Variants in FAAH2 observed in about 807,000 individuals in gnomAD.
FAAH2 encodes the protein fatty acid amide hydrolase 2, also known as fatty-acid amide hydrolase 2.
A neutral mutation model predicts 36.9 loss-of-function variants in FAAH2; 60 were observed. The ratio of observed to expected loss-of-function variants is 1.63; its 90% CI spans 1.32 to 2.02. FAAH2 has a LOEUF of 2.02. Among genes scored for constraint, FAAH2 ranks in the 30% most tolerant of loss-of-function variants. FAAH2 has a pLI of 0.00. For synonymous variants in FAAH2, 214 were observed against 143.8 expected, an observed-to-expected ratio of 1.49 and a Z score of -3.49; for missense variants, 689 against 397.5, an observed-to-expected ratio of 1.73 and a Z score of -6.23.
At chrX:57,276,189 C>A in the FAAH2 span, among the ~76,000 whole-genome samples, 1 of 112,043 alleles carries the variant, frequency 8.9e-6, no homozygotes, top group East Asian at 2.8e-4. Flanking sequence ...CACTCCTTAG[C>A]AAATGTAAAA....
intron 2 of FAAH2, among the ~76,000 whole-genome samples, chrX:57,306,963 A>AG (rs2052551914): frequency 1.3e-5 from 1 of 77,789 alleles, no homozygotes; most frequent in Admixed American, 1.7e-4. Flanking sequence ...ATATGTATAT[A>AG]TACACACACG....
intron 7 of FAAH2, among the ~76,000 whole-genome samples, chrX:57,391,724 T>C (rs1049196991): frequency 9.0e-6 from 1 of 111,530 alleles, no homozygotes; most frequent in Non-Finnish European, 1.9e-5. Flanking sequence ...TTTGTTACTA[T>C]AGTTTTTTAG....
chrX:57,478,256 T>C (rs1321625167), intron 10 of FAAH2, among the ~76,000 whole-genome samples: 3 of 112,033 alleles, frequency 2.7e-5, no homozygotes, highest in Non-Finnish European at 3.8e-5. Context: ...TGAGCATTTT[T>C]TCATGTGTTT....
chrX:57,183,995 G>A, the FAAH2 span, among the ~76,000 whole-genome samples: 1 of 110,610 alleles, frequency 9.0e-6, no homozygotes, highest in African/African-American at 3.3e-5. Context: ...GATATGCCCT[G>A]GTCTCCTTCA....
At chrX:57,429,110 C>T (rs4477155) in intron 7 of FAAH2, among the ~76,000 whole-genome samples, 58,041 of 109,238 alleles carry the variant, frequency 0.53, 13,771 homozygotes, top group Non-Finnish European at 0.73. Context: ...CCGAGGTGGG[C>T]GGATCACGAG....
chrX:57,320,526 C>T (rs975882271), intron 3 of FAAH2, among the ~76,000 whole-genome samples: 2 of 112,078 alleles, frequency 1.8e-5, no homozygotes, highest in African/African-American at 6.5e-5. Context: ...GCAACAGATG[C>T]TGGAGAGGAT....
At chrX:57,196,585 C>G in the FAAH2 span, among the ~76,000 whole-genome samples, 1 of 111,737 alleles carries the variant, frequency 8.9e-6, no homozygotes, top group African/African-American at 3.3e-5. Flanking sequence ...TTGATTAGGA[C>G]TTCCAGTACT....
At chrX:57,201,286 G>T in the FAAH2 span, among the ~76,000 whole-genome samples, 1 of 110,295 alleles carries the variant, frequency 9.1e-6, no homozygotes. Context: ...TAATGTGTTG[G>T]TGGGCACCTG....
the FAAH2 span, among the ~76,000 whole-genome samples, chrX:57,177,515 A>C: frequency 1.0e-5 from 1 of 99,646 alleles, no homozygotes; most frequent in African/African-American, 3.6e-5. Context: ...AATTAAAACA[A>C]ATGTGGGTCG....
At position 57,431,787 on chromosome X, in the gene FAAH2, G is replaced by GTTGTTTTTT. The variant is rs1556012967; in HGVS notation, c.997-129_997-128insGTTTTTTTT. 34 of 129,290 alleles carry GTTGTTTTTT rather than the reference G, an allele frequency of 2.6e-4. 3 individuals carry two copies. In the Middle Eastern group the frequency reaches 0.015, roughly 56 times the overall value. The allele number at this position is 129,290 out of a possible 1,213,427, so 10.7% of individuals were successfully genotyped here. Reference sequence around the variant, plus strand: ...TGTTTTTTTGTTTTTTTGTTTTTTTGTTTTTTTTGGTGTTTCCATGGGGCA... The same window carrying GTTGTTTTTT: ...TGTTTTTTTGTTTTTTTGTTTTTTTGTTGTTTTTTTTTTTTTTGGTGTTTCCATGGGGCA... On this transcript the variant is annotated intron_variant, in intron 7 of 10. Transcript: ENST00000374900.
At chrX:57,375,568 A>G (rs1214629311) in intron 5 of FAAH2, among the ~76,000 whole-genome samples, 1 of 109,590 alleles carries the variant, frequency 9.1e-6, no homozygotes. Flanking sequence ...TTTGGTTGTA[A>G]TGTCTCCTGT....
the FAAH2 span, chrX:57,137,358 T>C: frequency 1.1e-5 from 8 of 756,677 alleles, no homozygotes; most frequent in Non-Finnish European, 1.2e-5. Context: ...GATCCATAGA[T>C]GAGGAGCGTG....
At chrX:57,124,477 G>A in the FAAH2 span, among the ~76,000 whole-genome samples, 10 of 111,759 alleles carry the variant, frequency 8.9e-5, no homozygotes, top group African/African-American at 3.3e-4. Flanking sequence ...GGTTTGACTT[G>A]GCAATGCAGG....
At chrX:57,321,364 A>AC (rs1367387874) in intron 3 of FAAH2, among the ~76,000 whole-genome samples, 1 of 109,318 alleles carries the variant, frequency 9.1e-6, no homozygotes, top group Non-Finnish European at 1.9e-5. Context: ...TAGGAGAAAT[A>AC]CCTAAAGTAG....
chrX:57,378,569 T>C, intron 5 of FAAH2, 82 bp from the exon 6 acceptor site: 1 of 1,127,878 alleles, frequency 8.9e-7, no homozygotes, highest in Non-Finnish European at 1.2e-6. Flanking sequence ...GTATTTAAGA[T>C]AGATTAAACA....
At chrX:57,127,976 T>C in the FAAH2 span, among the ~76,000 whole-genome samples, 1 of 112,283 alleles carries the variant, frequency 8.9e-6, no homozygotes, top group Non-Finnish European at 1.9e-5. Context: ...TTTATAATTG[T>C]ATAATATTTC....
the FAAH2 span, among the ~76,000 whole-genome samples, chrX:57,166,180 C>T: frequency 3.6e-5 from 4 of 110,138 alleles, no homozygotes; most frequent in African/African-American, 1.3e-4. Flanking sequence ...CACCACCTTC[C>T]CACTCCATCC....
At chrX:57,220,625 T>C in the FAAH2 span, among the ~76,000 whole-genome samples, 1 of 112,233 alleles carries the variant, frequency 8.9e-6, no homozygotes, top group Non-Finnish European at 1.9e-5. Context: ...GAGTTTCAAA[T>C]GCTTGCCTCC....
intron 3 of FAAH2, among the ~76,000 whole-genome samples, chrX:57,314,427 T>C (rs769783112): frequency 1.8e-5 from 2 of 111,459 alleles, no homozygotes; most frequent in Non-Finnish European, 3.8e-5. Flanking sequence ...CCAAAAACCA[T>C]GGAATATACA....
Sources: gnomAD v4.1 joint callset for allele counts (sites outside exome capture counted in the v4.1 genomes callset) on GRCh38, gnomAD v4.1.1 for gene constraint, MANE v1.5 for transcripts, NCBI Gene and HGNC (gene_info 2026-07-23, HGNC 2026-07-21) for gene names.